Variants in IPMK observed in about 807,000 individuals in gnomAD.
IPMK encodes the protein inositol 1,3,4,6-tetrakisphosphate 5-kinase.
A neutral mutation model predicts 45.8 loss-of-function variants in IPMK; 17 were observed. The ratio of observed to expected loss-of-function variants is 0.37; its 90% confidence interval spans 0.25 to 0.56. The LOEUF (loss-of-function observed/expected upper bound fraction) is 0.56, where lower values mean the gene tolerates loss of function less well. IPMK is among the 20% of genes least tolerant of loss of function. IPMK has a pLI of 0.79. For synonymous variants in IPMK, 180 were observed against 184.3 expected (o/e 0.98, Z 0.19); for missense variants, 399 against 498.0 (o/e 0.80, Z 1.89).
Position 58,194,712 on chromosome 10 carries a change from A to G in IPMK, c.*1364T>C, listed in dbSNP as rs1837867141. On this transcript the variant is annotated 3_prime_UTR_variant, in exon 6 of 6. Transcript: ENST00000373935. The stretch of plus-strand genomic sequence containing the variant: ...GAGAAAGAATTTACAACCCCAAAAT[A>G]TTTTCCAGGAATATGACAAAACTGA... The G allele has an allele frequency of 6.6e-6, 1 of 151,958 alleles. No individual in the cohort carries two copies. The allele number at this position is 151,958 out of a possible 1,614,324, so 9.4% of individuals were successfully genotyped here. A position where few individuals can be genotyped will look rare whatever the true frequency, so the allele number is the denominator to read the frequency against.
intron 1 of IPMK, among the ~76,000 whole-genome samples, chr10:58,254,193 G>A (rs1838929160): frequency 1.3e-5 from 2 of 151,936 alleles, no homozygotes. Flanking sequence ...CCTTATTGAT[G>A]TTTCGTAATT....
chr10:58,218,594 A>G (rs1263096509), intron 3 of IPMK, among the ~76,000 whole-genome samples: 1 of 152,242 alleles, frequency 6.6e-6, no homozygotes, highest in African/African-American at 2.4e-5. Context: ...ATTTAGACTC[A>G]AGAGACTCCA....
intron 1 of IPMK, among the ~76,000 whole-genome samples, chr10:58,256,560 T>C (rs915432802): frequency 5.3e-5 from 8 of 152,208 alleles, no homozygotes; most frequent in African/African-American, 1.9e-4. Flanking sequence ...CTTCTGCCCT[T>C]GTAATCTTTT....
At chr10:58,206,610 C>A (rs1431886832) in intron 4 of IPMK, among the ~76,000 whole-genome samples, 1 of 152,022 alleles carries the variant, frequency 6.6e-6, no homozygotes, top group Non-Finnish European at 1.5e-5. Context: ...TAATGCAAAC[C>A]CAAAGAAGAG....
In IPMK at chr10:58,267,372, G is replaced by A. The variant is rs773159857; in HGVS notation, c.190+50C>T. 5.1e-6 allele frequency: 8 copies of A among 1,582,420 alleles called. No individual in the cohort carries two copies. The South Asian group carries it at 6.7e-5, about 13-fold the overall frequency. The stretch of plus-strand genomic sequence containing the variant: ...GCTAGGCTGCCTCCGCTGACAGGGG[G>A]CTCGCACAGGCGGAAGGGGAGCGGC... On this transcript the variant is annotated intron_variant, in intron 1 of 5. Transcript: ENST00000373935.
intron 1 of IPMK, among the ~76,000 whole-genome samples, chr10:58,263,461 T>C (rs926611708): frequency 1.3e-5 from 2 of 150,098 alleles, no homozygotes; most frequent in Non-Finnish European, 3.0e-5. Flanking sequence ...GAGGCGGAGG[T>C]TGCAGTGAGT....
At chr10:58,215,075 G>C (rs571851059) in intron 4 of IPMK, among the ~76,000 whole-genome samples, 1 of 128,758 alleles carries the variant, frequency 7.8e-6, no homozygotes, top group East Asian at 2.4e-4. Context: ...TTCTTAGAAT[G>C]TGGTACTTCA....
intron 1 of IPMK, among the ~76,000 whole-genome samples, chr10:58,239,816 A>G (rs1838669773): frequency 6.6e-6 from 1 of 152,130 alleles, no homozygotes; most frequent in Non-Finnish European, 1.5e-5. Context: ...AAAAGGAGGC[A>G]CCTTGGAATG....
chr10:58,245,499 C>T (rs1757896259), intron 1 of IPMK, among the ~76,000 whole-genome samples: 1 of 150,564 alleles, frequency 6.6e-6, no homozygotes, highest in Non-Finnish European at 1.5e-5. Context: ...GTAATCCCAA[C>T]TACTCGGGAG....
intron 1 of IPMK, among the ~76,000 whole-genome samples, chr10:58,242,247 G>A (rs536095631): frequency 6.6e-6 from 1 of 152,212 alleles, no homozygotes; most frequent in African/African-American, 2.4e-5. Context: ...CACGAGGTAA[G>A]GAGATCGAGA....
intron 4 of IPMK, among the ~76,000 whole-genome samples, chr10:58,203,723 A>G (rs1376456295): frequency 6.6e-6 from 1 of 152,238 alleles, no homozygotes; most frequent in Non-Finnish European, 1.5e-5. Flanking sequence ...ACAATTTAGA[A>G]TATTACATAA....
rs1837829393 is a variant in IPMK, at chr10:58,192,283, A to G, written c.*3793T>C. 6.6e-6 allele frequency: 1 copy of G among 152,048 alleles called. No homozygotes were observed. Among genetic ancestry groups the G allele is most frequent in the Admixed American group, 6.6e-5 (1 of 15,252 alleles). 9.4% of individuals were successfully genotyped at this position (152,048 alleles called of 1,614,324 possible). On this transcript the variant is annotated 3_prime_UTR_variant, in exon 6 of 6. Coordinates refer to ENST00000373935, the MANE Select transcript of IPMK (RefSeq NM_152230.5). ...AAACTGTTGTACTAAATTGTAAAAT[A>G]CAGTAAAGAAGATGCAGCTCATTTG...
At chr10:58,257,956 T>A (rs1010004138) in intron 1 of IPMK, among the ~76,000 whole-genome samples, 7 of 152,178 alleles carry the variant, frequency 4.6e-5, no homozygotes, top group African/African-American at 1.4e-4. Flanking sequence ...CTGACAGAAC[T>A]GAAAGGACAG....
At chr10:58,203,524 C>T (rs1838026704) in intron 4 of IPMK, among the ~76,000 whole-genome samples, 1 of 151,006 alleles carries the variant, frequency 6.6e-6, no homozygotes, top group African/African-American at 2.4e-5. Flanking sequence ...CCATGTTGCC[C>T]AGGCTGTTCT....
rs527248444 is a variant in IPMK, at chr10:58,194,212, G to A, written c.*1864C>T. On this transcript the variant is annotated 3_prime_UTR_variant, in exon 6 of 6. Coordinates refer to ENST00000373935, the MANE Select transcript of IPMK (RefSeq NM_152230.5). ...CATACAAAAAAAGCCTCAGTATCTT[G>A]TTAAGATTCAAAATAGTGTTTAATT... 1 of 151,694 alleles carries A rather than the reference G, an allele frequency of 6.6e-6. No homozygotes were observed. Among genetic ancestry groups the A allele is most frequent in the Non-Finnish European group, 1.5e-5 (1 of 67,700 alleles). 9.4% of individuals were successfully genotyped at this position (151,694 alleles called of 1,614,324 possible).
intron 2 of IPMK, among the ~76,000 whole-genome samples, chr10:58,237,033 G>A (rs1018963819): frequency 3.3e-5 from 5 of 152,186 alleles, no homozygotes; most frequent in Admixed American, 3.3e-4. Context: ...TCAACATCAT[G>A]CCACTGCACT....
At chr10:58,213,900 G>A (rs1838205268) in intron 4 of IPMK, among the ~76,000 whole-genome samples, 1 of 152,140 alleles carries the variant, frequency 6.6e-6, no homozygotes. Context: ...GGTGCTTAAT[G>A]AAGAGCTAAT....
In IPMK at chr10:58,267,841, C is replaced by T. The variant is rs564722526; in HGVS notation, c.-230G>A. The T allele has an allele frequency of 2.4e-4, 115 of 470,914 alleles. No homozygotes were observed. Among genetic ancestry groups the T allele is most frequent in the African/African-American group, 2.1e-3 (100 of 48,376 alleles). 29.2% of individuals were successfully genotyped at this position (470,914 alleles called of 1,614,324 possible). ...CGGCTCCCGGCTCCTGTTCCTCTGC[C>T]GCCGCAGCCGCCGGCCCCGGCGCTG... On this transcript the variant is annotated 5_prime_UTR_variant, in exon 1 of 6. Transcript: ENST00000373935.
At chr10:58,225,777 C>T (rs1236694721) in intron 3 of IPMK, among the ~76,000 whole-genome samples, 1 of 152,094 alleles carries the variant, frequency 6.6e-6, no homozygotes, top group Non-Finnish European at 1.5e-5. Flanking sequence ...ACTGTACCTT[C>T]TCCTTTCCTT....
Sources: allele counts gnomAD v4.1 joint callset (sites outside exome capture counted in the v4.1 genomes callset), GRCh38; gene constraint gnomAD v4.1.1; transcripts MANE v1.5; gene names NCBI Gene and HGNC (gene_info 2026-07-23, HGNC 2026-07-21).